RHOBTB3: variants seen among roughly 807,000 people sequenced by gnomAD.
RHOBTB3 encodes Rho related BTB domain containing 3, also known as rho-related BTB domain-containing protein 3.
In RHOBTB3, 47 loss-of-function variants were observed where a neutral mutation model predicts 67.2. That is an observed-to-expected ratio of 0.70 (90% CI 0.55 to 0.89). The LOEUF is 0.89. Among genes scored for constraint, RHOBTB3 ranks in the 40% least tolerant of loss-of-function variants. The pLI, the probability that RHOBTB3 is intolerant of heterozygous loss-of-function variation, is 0.00. For missense variants in RHOBTB3, 631 were observed against 750.0 expected (o/e 0.84, Z 1.85); for synonymous variants, 273 against 274.2 (o/e 1.00, Z 0.04).
chr5:95,735,197 C>T (rs186628125), intron 2 of RHOBTB3, among the ~76,000 whole-genome samples: 5 of 151,668 alleles, frequency 3.3e-5, no homozygotes, highest in African/African-American at 1.2e-4. Flanking sequence ...TTCCCTTCTG[C>T]CCCCTTGCAC....
At chr5:95,791,993 A>G (rs1746410234) in intron 11 of RHOBTB3, among the ~76,000 whole-genome samples, 2 of 152,158 alleles carry the variant, frequency 1.3e-5, no homozygotes, top group African/African-American at 4.8e-5. Context: ...CTCTAGTTCA[A>G]ATGCCTCTGA....
chr5:95,779,452 A>G (rs1297646117), intron 8 of RHOBTB3, among the ~76,000 whole-genome samples: 3 of 152,194 alleles, frequency 2.0e-5, no homozygotes, highest in Non-Finnish European at 4.4e-5. Flanking sequence ...GGAAGTAGAG[A>G]GCCCTGGCCA....
At chr5:95,731,809 C>T in intron 1 of RHOBTB3, 50 bp from the exon 2 acceptor site, 1 of 1,599,846 alleles carries the variant, frequency 6.3e-7, no homozygotes, top group East Asian at 2.2e-5. Context: ...AGGAGAGACC[C>T]GCGCGCTGAC....
intron 6 of RHOBTB3, among the ~76,000 whole-genome samples, chr5:95,763,174 T>A (rs1312161673): frequency 1.3e-5 from 2 of 152,210 alleles, no homozygotes; most frequent in African/African-American, 4.8e-5. Context: ...ACCTTTTTAC[T>A]CAGGGCAAGT....
At position 95,731,908 on chromosome 5, in the gene RHOBTB3, G is replaced by A. The variant is rs1327025969; in HGVS notation, c.52G>A (p.Asp18Asn). ...LGNEGDTFHQ[D>N]NRPSGLIRTY... ...GAACGAGGGGGACACATTCCACCAG[G>A]ACAACCGGCCGTCGGGGCTTATCCG... is the stretch of plus-strand genomic sequence containing the variant. Residue 18 changes from aspartate to asparagine, a missense_variant, in exon 2 of 12, where the codon GAC becomes AAC. Coordinates refer to ENST00000379982, the MANE Select transcript of RHOBTB3 (RefSeq NM_014899.4). 2.5e-6 allele frequency: 4 copies of A among 1,613,986 alleles called. No individual in the cohort carries two copies. Among genetic ancestry groups the A allele is most frequent in the East Asian group, 2.2e-5 (1 of 44,886 alleles).
intron 2 of RHOBTB3, among the ~76,000 whole-genome samples, chr5:95,736,041 G>A (rs1443935456): frequency 6.6e-6 from 1 of 152,154 alleles, no homozygotes; most frequent in Non-Finnish European, 1.5e-5. Flanking sequence ...GGTGGAGGCT[G>A]CAGTGAGCCG....
chr5:95,750,554 C>T (rs1745060093), intron 4 of RHOBTB3, among the ~76,000 whole-genome samples: 1 of 152,176 alleles, frequency 6.6e-6, no homozygotes, highest in Non-Finnish European at 1.5e-5. Flanking sequence ...TATTACAGAA[C>T]ATTTCCATCA....
chr5:95,784,202 C>T (rs1391735829), intron 10 of RHOBTB3, among the ~76,000 whole-genome samples: 1 of 152,084 alleles, frequency 6.6e-6, no homozygotes, highest in East Asian at 1.9e-4. Context: ...ATTTTTTTAA[C>T]TAAATAGTGG....
intron 8 of RHOBTB3, among the ~76,000 whole-genome samples, chr5:95,777,615 G>A (rs778649950): frequency 3.9e-5 from 6 of 152,034 alleles, no homozygotes; most frequent in South Asian, 2.1e-4. Context: ...ACCATAAACC[G>A]CATTATGTTC....
At chr5:95,768,619 C>A (rs1316916480) in intron 8 of RHOBTB3, among the ~76,000 whole-genome samples, 1 of 152,102 alleles carries the variant, frequency 6.6e-6, no homozygotes, top group East Asian at 1.9e-4. Flanking sequence ...TTCTTTTGAG[C>A]AAAAGGACTG....
At chr5:95,753,221 G>T (rs1745142873) in intron 5 of RHOBTB3, among the ~76,000 whole-genome samples, 1 of 141,232 alleles carries the variant, frequency 7.1e-6, no homozygotes, top group South Asian at 2.4e-4. Context: ...ATGTGTGTGT[G>T]TTGATGTGTG....
intron 7 of RHOBTB3, 192 bp from the exon 8 acceptor site, chr5:95,767,854 G>A: frequency 1.4e-6 from 1 of 711,332 alleles, no homozygotes; most frequent in Non-Finnish European, 2.6e-6. Context: ...AGAGAGCAGT[G>A]TTGTTCACTG....
chr5:95,723,283 C>T (rs572997357), intron 1 of RHOBTB3, among the ~76,000 whole-genome samples: 6 of 152,346 alleles, frequency 3.9e-5, no homozygotes, highest in African/African-American at 1.2e-4. Flanking sequence ...GGGCCACATG[C>T]GGCCCTTAGG....
chr5:95,763,486 G>T, intron 6 of RHOBTB3, 22 bp from the exon 7 acceptor site: 1 of 1,370,038 alleles, frequency 7.3e-7, no homozygotes, highest in Non-Finnish European at 1.0e-6. Flanking sequence ...GAAAAATCCA[G>T]CATGTACTAA....
rs575041369 is a variant in RHOBTB3, at chr5:95,718,279, CAG to C, written n.133+515_133+516del. ...GCAGTAGAGAGATAAGAGTTGAAGACAGGGGAGAAGAAAGGGGAAGTAGATGC... is the reference window on the plus strand; with the variant it reads ...GCAGTAGAGAGATAAGAGTTGAAGACGGGAGAAGAAAGGGGAAGTAGATGC... On this transcript the variant is annotated intron_variant and non_coding_transcript_variant, in intron 1 of 5. Coordinates refer to the RHOBTB3 transcript ENST00000504949. 1.6e-3 allele frequency among the ~76,000 whole-genome samples: 249 copies of C among 152,006 alleles called. 1 individual carries two copies. The highest frequency in any genetic ancestry group is 5.4e-3 in the African/African-American group (224 of 41,426).
chr5:95,743,373 C>T (rs1755654130), intron 3 of RHOBTB3, among the ~76,000 whole-genome samples: 1 of 152,010 alleles, frequency 6.6e-6, no homozygotes, highest in African/African-American at 2.4e-5. Flanking sequence ...TGGCTGCTTC[C>T]ACTGGGGTTC....
intron 6 of RHOBTB3, among the ~76,000 whole-genome samples, chr5:95,757,663 G>A (rs1010016077): frequency 2.0e-5 from 3 of 152,168 alleles, no homozygotes; most frequent in South Asian, 2.1e-4. Context: ...GTTGCAGCAC[G>A]CAGATTTATG....
chr5:95,724,547 G>T (rs1001196642), intron 1 of RHOBTB3, among the ~76,000 whole-genome samples: 1 of 152,130 alleles, frequency 6.6e-6, no homozygotes. Context: ...AGACCCTGGG[G>T]CCAATTGTCT....
At chr5:95,779,912 TTAA>T in intron 8 of RHOBTB3, 1 of 248,012 alleles carries the variant, frequency 4.0e-6, no homozygotes, top group Non-Finnish European at 7.8e-6. Flanking sequence ...GGTAGTATTA[TTAA>T]TATTTCAAGC....
Sources: allele counts gnomAD v4.1 joint callset (sites outside exome capture counted in the v4.1 genomes callset), GRCh38; gene constraint gnomAD v4.1.1; transcripts MANE v1.5; gene names NCBI Gene and HGNC (gene_info 2026-07-23, HGNC 2026-07-21).